The following TTLL6 variants were observed in gnomAD, a reference collection of about 807,000 sequenced individuals.
TTLL6 encodes the protein tubulin tyrosine ligase like 6, also known as tubulin polyglutamylase TTLL6.
Under a neutral mutation model 96.4 loss-of-function variants are expected in TTLL6, and 75 were observed. That is an observed-to-expected ratio of 0.78 (90% CI 0.65 to 0.94). The LOEUF is 0.94. Among genes scored for constraint, TTLL6 ranks in the 40% least tolerant of loss-of-function variants. The pLI is 0.00. For missense variants in TTLL6, 1,030 were observed against 1,093.0 expected (o/e 0.94, Z 0.81); for synonymous variants, 411 against 419.4 (o/e 0.98, Z 0.24).
rs1457725404 is a variant in TTLL6 at position 48,785,031 on chromosome 17, A to T, written c.1932T>A (p.Asp644Glu). Residue 644 changes from aspartate (D) to glutamate (E), a missense_variant, in exon 13 of 16, where the codon GAT (aspartate) becomes GAA (glutamate). By Grantham distance (45) the Asp-to-Glu change is conservative (BLOSUM62 2). Coordinates refer to ENST00000393382, the MANE Select transcript of TTLL6 (RefSeq NM_001130918.3). ...AGCTGCTGAGATTGATATTCCTCAGATCGGGTAGAGAACTGAAGGGCTTCG... is the reference window on the plus strand; with the variant it reads ...AGCTGCTGAGATTGATATTCCTCAGTTCGGGTAGAGAACTGAAGGGCTTCG... ...TSAKPFSSLP[D>E]LRNINLSSSK... 21 of 1,614,058 alleles carry T rather than the reference A, an allele frequency of 1.3e-5. No homozygotes were observed. Among genetic ancestry groups the T allele is most frequent in the Non-Finnish European group, 1.8e-5 (21 of 1,180,018 alleles).
Position 48,775,265 on chromosome 17 carries a change from A to G in TTLL6, c.2041-5168T>C, listed in dbSNP as rs572310209. Among the ~76,000 whole-genome samples, 3 of 151,968 alleles carry G rather than the reference A, an allele frequency of 2.0e-5. No individual in the cohort carries two copies. In the South Asian group the frequency reaches 6.2e-4, roughly 32 times the overall value. On this transcript the variant is annotated intron_variant, in intron 13 of 15. Transcript: ENST00000393382. ...CAAAGATATACAACGAAAATAGAAG[A>G]AAAAAAACACTATAGACCAGTATCT...
chr17:48,768,298 T>C (rs2038655877), intron 15 of TTLL6, among the ~76,000 whole-genome samples: 1 of 151,454 alleles, frequency 6.6e-6, no homozygotes, highest in Non-Finnish European at 1.5e-5. Flanking sequence ...TGAGACGGAG[T>C]CTCACTCTGT....
chr17:48,787,975 C>T lies in TTLL6; in HGVS notation c.1425G>A (p.Arg475=). The part of the protein sequence containing the change: ...EMRIEEAKGF[R]AVQLKKTETY... ...TTTCAGTTTTCTTTAACTGCACGGCCCGGAAACCCTTGGCTTCCTCAATCC... is the reference window on the plus strand; with the variant it reads ...TTTCAGTTTTCTTTAACTGCACGGCTCGGAAACCCTTGGCTTCCTCAATCC... Residue 475 remains arginine, a synonymous_variant, in exon 11 of 16, where the codon CGG becomes CGA. Coordinates refer to ENST00000393382, the MANE Select transcript of TTLL6 (RefSeq NM_001130918.3). 6.2e-7 allele frequency: 1 copy of T among 1,614,046 alleles called. No homozygotes were observed. The highest frequency in any genetic ancestry group is 1.3e-5 in the African/African-American group (1 of 75,026).
intron 13 of TTLL6, among the ~76,000 whole-genome samples, chr17:48,774,086 A>AC (rs2038810412): frequency 9.8e-6 from 1 of 101,774 alleles, no homozygotes; most frequent in African/African-American, 4.0e-5. Context: ...CCATCTCAAA[A>AC]AAAACAAAAC....
At chr17:48,807,038 A>AAATT (rs907037366) in intron 1 of TTLL6, among the ~76,000 whole-genome samples, 1 of 152,094 alleles carries the variant, frequency 6.6e-6, no homozygotes, top group Non-Finnish European at 1.5e-5. Flanking sequence ...CTCAAAAAAA[A>AAATT]AATTAATTAA....
chr17:48,807,474 A>C (rs1345748860), intron 1 of TTLL6, among the ~76,000 whole-genome samples: 1 of 152,138 alleles, frequency 6.6e-6, no homozygotes, highest in African/African-American at 2.4e-5. Flanking sequence ...GTAGATTATA[A>C]ACAGCCTTTT....
intron 2 of TTLL6, chr17:48,804,319 G>A: frequency 2.1e-6 from 1 of 487,340 alleles, no homozygotes; most frequent in South Asian, 1.5e-5. Context: ...GAATAAGAAA[G>A]TGGACAAGCT....
At chr17:48,771,958 C>G (rs1289506777) in intron 13 of TTLL6, among the ~76,000 whole-genome samples, 2 of 152,060 alleles carry the variant, frequency 1.3e-5, no homozygotes, top group Non-Finnish European at 2.9e-5. Context: ...ACCTGCAATT[C>G]CACCTACTCG....
chr17:48,810,994 C>G (rs2039583126), intron 1 of TTLL6, among the ~76,000 whole-genome samples: 1 of 149,698 alleles, frequency 6.7e-6, no homozygotes, highest in African/African-American at 2.4e-5. Context: ...CCCAGTCTGC[C>G]CCAATGCCCA....
rs2039574051 is a variant in TTLL6 at position 48,810,823 on chromosome 17, GTGTATATATATATATATATA to G, written c.104-5852_104-5833del. ...ATATATACACATATATAGTATGTGT[GTGTATATATATATATATATA>G]TATATATATATAGTATGTGTGTGTA... On this transcript the variant is annotated intron_variant, in intron 1 of 15. Coordinates refer to ENST00000393382, the MANE Select transcript of TTLL6 (RefSeq NM_001130918.3). 7.6e-4 allele frequency among the ~76,000 whole-genome samples: 50 copies of G among 65,798 alleles called. 1 individual carries two copies. The highest frequency in any genetic ancestry group is 2.3e-3 in the Admixed American group (16 of 6,972). 43.2% of individuals were successfully genotyped at this position (65,798 alleles called of 152,430 possible).
chr17:48,816,711 G>A (rs7208074), intron 1 of TTLL6, among the ~76,000 whole-genome samples: 55,567 of 151,976 alleles, frequency 0.37, 10,485 homozygotes, highest in South Asian at 0.42. Flanking sequence ...CAGCTCCTTG[G>A]TGGACTGTGG....
intron 13 of TTLL6, among the ~76,000 whole-genome samples, chr17:48,771,662 C>A (rs1446764164): frequency 7.3e-6 from 1 of 137,576 alleles, no homozygotes; most frequent in African/African-American, 2.8e-5. Context: ...TATATATACA[C>A]ATTAGTGTAT....
At chr17:48,806,884 G>T (rs540240187) in intron 1 of TTLL6, among the ~76,000 whole-genome samples, 8 of 151,694 alleles carry the variant, frequency 5.3e-5, no homozygotes, top group African/African-American at 1.9e-4. Context: ...TACAAAATTA[G>T]CCAGGCATGG....
intron 13 of TTLL6, among the ~76,000 whole-genome samples, chr17:48,784,474 T>G (rs1447882594): frequency 6.6e-6 from 1 of 151,500 alleles, no homozygotes; most frequent in African/African-American, 2.4e-5. Flanking sequence ...AGGCAGAGAT[T>G]GGAGTTATGC....
intron 1 of TTLL6, among the ~76,000 whole-genome samples, chr17:48,810,854 T>TATATAG (rs1567738415): frequency 7.2e-6 from 1 of 138,014 alleles, no homozygotes; most frequent in Non-Finnish European, 1.5e-5. Flanking sequence ...TATATATATA[T>TATATAG]AGTATGTGTG....
intron 1 of TTLL6, among the ~76,000 whole-genome samples, chr17:48,806,802 A>C (rs2039511122): frequency 6.6e-6 from 1 of 152,024 alleles, no homozygotes; most frequent in Admixed American, 6.6e-5. Flanking sequence ...AGGCTGAGGC[A>C]GGCAGATCAC....
At position 48,769,219 on chromosome 17, in the gene TTLL6, T is replaced by C. The variant is rs749517324; in HGVS notation, c.2446A>G (p.Ser816Gly). 5 of 1,610,534 alleles carry C rather than the reference T, an allele frequency of 3.1e-6. No individual in the cohort carries two copies. In the East Asian group the frequency reaches 1.1e-4, roughly 36 times the overall value. The change falls in exon 15 of 16, where the codon AGT becomes GGT. Residue 816 changes from serine (S) to glycine (G), a missense_variant. By Grantham distance (56) the Ser-to-Gly change is moderately conservative. Coordinates refer to ENST00000393382, the MANE Select transcript of TTLL6 (RefSeq NM_001130918.3). ...TGCCTCTTCTCGCCAGAGCTGTCACTGCGGGAGTGGCACTCCCCAGGCAGG... is the reference window on the plus strand; with the variant it reads ...TGCCTCTTCTCGCCAGAGCTGTCACCGCGGGAGTGGCACTCCCCAGGCAGG... ...PSLPGECHSR[S>G]DSSGEKRQLD...
intron 5 of TTLL6, chr17:48,800,371 T>C (rs1390209535): frequency 1.3e-5 from 2 of 152,336 alleles, no homozygotes; most frequent in Non-Finnish European, 2.9e-5. Context: ...ACTAAATTAA[T>C]GGATTCGGTC....
At chr17:48,782,225 C>T (rs526589) in intron 13 of TTLL6, among the ~76,000 whole-genome samples, 37,874 of 151,414 alleles carry the variant, frequency 0.25, 5,804 homozygotes, top group East Asian at 0.74. Context: ...CCTGCCTCAG[C>T]TCCCCGAGTA....
Sources: gnomAD v4.1 joint callset for allele counts (sites outside exome capture counted in the v4.1 genomes callset) on GRCh38, gnomAD v4.1.1 for gene constraint, MANE v1.5 for transcripts, NCBI Gene and HGNC (gene_info 2026-07-23, HGNC 2026-07-21) for gene names.